SAMMSON: variants seen among roughly 807,000 people sequenced by gnomAD.
SAMMSON encodes the protein survival associated mitochondrial melanoma specific oncogenic non-coding RNA.
chr3:70,417,647 C>T (rs1701273816), intron 2 of SAMMSON, among the ~76,000 whole-genome samples: 1 of 152,118 alleles, frequency 6.6e-6, no homozygotes, highest in Non-Finnish European at 1.5e-5. Context: ...CTACTACTTT[C>T]TCTGAGTTAG....
At chr3:70,061,721 C>T (rs77935652) in intron 3 of SAMMSON, among the ~76,000 whole-genome samples, 1,527 of 152,214 alleles carry the variant, frequency 0.01, 19 homozygotes, top group African/African-American at 0.035. Context: ...TAGCTCCCTC[C>T]GCATCTACCC....
chr3:70,269,383 ACCTACTTAGGT>A (rs1318300335), intron 6 of SAMMSON, among the ~76,000 whole-genome samples: 1 of 152,158 alleles, frequency 6.6e-6, no homozygotes, highest in Non-Finnish European at 1.5e-5. Flanking sequence ...ACACCCTGTA[ACCTACTTAGGT>A]CTCAATCCCT....
chr3:70,208,832 A>T (rs1701314319), intron 4 of SAMMSON, among the ~76,000 whole-genome samples: 1 of 152,046 alleles, frequency 6.6e-6, no homozygotes, highest in Non-Finnish European at 1.5e-5. Context: ...CTTGGTTTTC[A>T]ACAGTGTTTA....
At chr3:70,118,359 C>G (rs1472055640) in intron 4 of SAMMSON, among the ~76,000 whole-genome samples, 1 of 152,098 alleles carries the variant, frequency 6.6e-6, no homozygotes, top group Non-Finnish European at 1.5e-5. Context: ...GTCTTTATGC[C>G]AGCAAGTTCA....
At chr3:70,327,841 A>T (rs1202645685) in intron 7 of SAMMSON, among the ~76,000 whole-genome samples, 1 of 152,348 alleles carries the variant, frequency 6.6e-6, no homozygotes, top group East Asian at 1.9e-4. Context: ...CCCAGAAAAA[A>T]AGGTAAAACA....
At chr3:70,125,641 G>C (rs2067454776) in intron 4 of SAMMSON, 1 of 699,266 alleles carries the variant, frequency 1.4e-6, no homozygotes, top group African/African-American at 1.8e-5. Context: ...CATGTCGGTA[G>C]ATATATGGAA....
chr3:70,093,102 G>A (rs1210760217), intron 4 of SAMMSON, among the ~76,000 whole-genome samples: 1 of 152,004 alleles, frequency 6.6e-6, no homozygotes, highest in Non-Finnish European at 1.5e-5. Flanking sequence ...CTTGTTTCAT[G>A]TCTCTTCCAC....
chr3:70,098,068 G>A (rs1407507991), intron 4 of SAMMSON, among the ~76,000 whole-genome samples: 2 of 152,176 alleles, frequency 1.3e-5, no homozygotes, highest in African/African-American at 4.8e-5. Flanking sequence ...AGTCATTTGT[G>A]TTCTCCAGCT....
chr3:70,336,224 T>C (rs1702658953), intron 7 of SAMMSON, among the ~76,000 whole-genome samples: 1 of 151,940 alleles, frequency 6.6e-6, no homozygotes, highest in Non-Finnish European at 1.5e-5. Flanking sequence ...TTTCTTTGAC[T>C]CTCTAAGAAC....
chr3:70,191,216 G>T (rs1431460921), intron 4 of SAMMSON, among the ~76,000 whole-genome samples: 1 of 152,190 alleles, frequency 6.6e-6, no homozygotes, highest in Non-Finnish European at 1.5e-5. Context: ...ATAAGTTGTG[G>T]CTTTGTAAAT....
At chr3:70,010,704 CT>C (rs2066950501) in intron 1 of SAMMSON, among the ~76,000 whole-genome samples, 1 of 125,458 alleles carries the variant, frequency 8.0e-6, no homozygotes, top group South Asian at 2.6e-4. Context: ...ACTTTTACTG[CT>C]TTCCTAGACT....
chr3:70,371,238 C>G (rs889987190), intron 9 of SAMMSON, among the ~76,000 whole-genome samples: 2 of 152,088 alleles, frequency 1.3e-5, no homozygotes, highest in African/African-American at 4.8e-5. Context: ...ATCTTGAACT[C>G]AGGTAATGCA....
At chr3:70,349,467 C>A (rs1421886639) in intron 7 of SAMMSON, among the ~76,000 whole-genome samples, 2 of 152,080 alleles carry the variant, frequency 1.3e-5, no homozygotes, top group Non-Finnish European at 2.9e-5. Context: ...TATTTGTTCA[C>A]CTCATTACAG....
chr3:70,295,878 C>G (rs1180019836), intron 7 of SAMMSON, among the ~76,000 whole-genome samples: 1 of 152,146 alleles, frequency 6.6e-6, no homozygotes, highest in Non-Finnish European at 1.5e-5. Context: ...GTGCCTCCCA[C>G]TTGATCTTTG....
At chr3:70,319,304 G>C (rs1702518941) in intron 7 of SAMMSON, among the ~76,000 whole-genome samples, 1 of 152,052 alleles carries the variant, frequency 6.6e-6, no homozygotes, top group African/African-American at 2.4e-5. Flanking sequence ...TCGAGAGCTG[G>C]AGCAAACATG....
chr3:70,206,488 C>T (rs1701291769), intron 4 of SAMMSON: 1 of 395,452 alleles, frequency 2.5e-6, no homozygotes, highest in Admixed American at 4.4e-5. Context: ...TTTTTTTTTC[C>T]TAACAGCATA....
chr3:70,418,710 G>T (rs1176228685), intron 2 of SAMMSON, among the ~76,000 whole-genome samples: 1 of 152,102 alleles, frequency 6.6e-6, no homozygotes, highest in Non-Finnish European at 1.5e-5. Context: ...CTAGAAAAAG[G>T]GCAGAGTACA....
At chr3:70,037,612 C>G (rs1356330161) in intron 3 of SAMMSON, among the ~76,000 whole-genome samples, 1 of 152,156 alleles carries the variant, frequency 6.6e-6, no homozygotes, top group Admixed American at 6.6e-5. Flanking sequence ...GCCATTATCC[C>G]TTAGCCTTTC....
At chr3:70,298,628 G>A (rs2106699581) in intron 7 of SAMMSON, among the ~76,000 whole-genome samples, 1 of 152,212 alleles carries the variant, frequency 6.6e-6, no homozygotes, top group East Asian at 1.9e-4. Flanking sequence ...CTGTGCTGAA[G>A]CTCGTGTTTA....
Sources: gnomAD v4.1 joint callset for allele counts (sites outside exome capture counted in the v4.1 genomes callset) on GRCh38, gnomAD v4.1.1 for gene constraint, MANE v1.5 for transcripts, NCBI Gene and HGNC (gene_info 2026-07-23, HGNC 2026-07-21) for gene names.